Variants in CDH7 observed in about 807,000 individuals in gnomAD.
CDH7 encodes the protein cadherin 7, also known as cadherin-7.
CDH7 carries 25 observed loss-of-function variants against 71.8 expected under a neutral mutation model. The ratio of observed to expected loss-of-function variants is 0.35; its 90% CI spans 0.25 to 0.49. CDH7 has a LOEUF of 0.49. Among genes scored for constraint, CDH7 ranks in the 20% least tolerant of loss-of-function variants. The probability of loss-of-function intolerance (pLI) is 0.99; values close to 1 mark genes in which losing one functional copy is unlikely to be tolerated. For missense variants in CDH7, 862 were observed against 974.6 expected (o/e 0.88, Z 1.54); for synonymous variants, 381 against 363.8 (o/e 1.05, Z -0.54).
intron 11 of CDH7, among the ~76,000 whole-genome samples, chr18:65,879,958 G>A (rs1199363731): frequency 6.6e-6 from 1 of 152,124 alleles, no homozygotes; most frequent in Non-Finnish European, 1.5e-5. Context: ...GAACCTGACC[G>A]AGTGCTATAA....
At chr18:65,845,667 T>C (rs894029605) in intron 7 of CDH7, among the ~76,000 whole-genome samples, 1 of 152,122 alleles carries the variant, frequency 6.6e-6, no homozygotes, top group Non-Finnish European at 1.5e-5. Flanking sequence ...GCTTGAATCA[T>C]TTAATTTAAT....
intron 4 of CDH7, among the ~76,000 whole-genome samples, chr18:65,818,659 A>G (rs1911807857): frequency 6.6e-6 from 1 of 152,226 alleles, no homozygotes; most frequent in Admixed American, 6.5e-5. Flanking sequence ...ACAGAAACTG[A>G]TTACATAAAT....
At chr18:65,816,346 G>A (rs1911724835) in intron 4 of CDH7, among the ~76,000 whole-genome samples, 1 of 152,010 alleles carries the variant, frequency 6.6e-6, no homozygotes, top group African/African-American at 2.4e-5. Context: ...ATGTTTTTCT[G>A]ACTGAAATGG....
chr18:65,825,421 T>C (rs902147333), intron 6 of CDH7, among the ~76,000 whole-genome samples: 4 of 151,840 alleles, frequency 2.6e-5, no homozygotes, highest in Non-Finnish European at 5.9e-5. Context: ...CTAAAGATTA[T>C]TTTCCATAAT....
chr18:65,754,317 G>A (rs1915971590), intron 1 of CDH7, among the ~76,000 whole-genome samples: 1 of 152,064 alleles, frequency 6.6e-6, no homozygotes, highest in African/African-American at 2.4e-5. Flanking sequence ...CATTTCCAGG[G>A]CCCCTGCCTG....
At chr18:65,766,788 A>G (rs1916382565) in intron 2 of CDH7, among the ~76,000 whole-genome samples, 1 of 148,550 alleles carries the variant, frequency 6.7e-6, no homozygotes, top group East Asian at 2.0e-4. Context: ...AGGAGGTCCC[A>G]GTTTCCACCC....
At chr18:65,860,667 T>C (rs899354425) in intron 10 of CDH7, among the ~76,000 whole-genome samples, 2 of 152,124 alleles carry the variant, frequency 1.3e-5, no homozygotes, top group South Asian at 2.1e-4. Context: ...TTTAAAAATT[T>C]ATGTTGTTTA....
Position 65,850,150 on chromosome 18 carries a change from T to G in CDH7, c.1235+6085T>G, listed in dbSNP as rs181651875. Among the ~76,000 whole-genome samples the G allele has an allele frequency of 4.3e-3, 576 of 132,578 alleles. 2 individuals carry two copies. The highest frequency in any genetic ancestry group is 4.9e-3 in the Non-Finnish European group (313 of 63,366). The allele number at this position is 132,578 out of a possible 152,430, so 87.0% of individuals were successfully genotyped here. A position where few individuals can be genotyped will look rare whatever the true frequency, so the allele number is the denominator to read the frequency against. On this transcript the variant is annotated intron_variant, in intron 7 of 11. Transcript: ENST00000397968. ...CTGCACTCCAGCCTCAGTGACAGAG[T>G]GAGACCCTGCCACACTATATATAAT... is the stretch of plus-strand genomic sequence containing the variant.
chr18:65,887,452 T>G lies in CDH7; in HGVS notation c.*6558T>G, dbSNP rs978292918. On this transcript the variant is annotated 3_prime_UTR_variant, in exon 12 of 12. Coordinates refer to ENST00000397968, the MANE Select transcript of CDH7 (RefSeq NM_004361.5). ...CCACAACAGTCCCTAGAGTGTGGTG[T>G]TCCCCTTCCTGTGTAACTATATAGC... The G allele has an allele frequency of 2.1e-4, 30 of 140,462 alleles. No individual in the cohort carries two copies. The highest frequency in any genetic ancestry group is 3.6e-3 in the Middle Eastern group (1 of 280). 8.7% of individuals were successfully genotyped at this position (140,462 alleles called of 1,614,324 possible).
At chr18:65,823,093 G>C (rs1259280183) in intron 5 of CDH7, among the ~76,000 whole-genome samples, 2 of 151,782 alleles carry the variant, frequency 1.3e-5, no homozygotes, top group African/African-American at 4.8e-5. Context: ...ATTTAGAAGT[G>C]AATCATATCA....
chr18:65,752,099 T>C (rs190787233), intron 1 of CDH7, among the ~76,000 whole-genome samples: 7 of 152,372 alleles, frequency 4.6e-5, no homozygotes, highest in African/African-American at 1.7e-4. Context: ...TTGCAATAAA[T>C]ATCTTGTCTC....
chr18:65,803,001 C>G (rs1216009845), intron 2 of CDH7: 1 of 152,146 alleles, frequency 6.6e-6, no homozygotes, highest in Non-Finnish European at 1.5e-5. Context: ...TATTACACCA[C>G]TATATGGAAA....
At chr18:65,880,237 T>C (rs961195702) in intron 11 of CDH7, among the ~76,000 whole-genome samples, 164 bp from the exon 12 acceptor site, 1 of 152,120 alleles carries the variant, frequency 6.6e-6, no homozygotes, top group East Asian at 1.9e-4. Context: ...CTTTAGCAAT[T>C]TTAGCACATC....
At chr18:65,825,215 A>G (rs962802817) in intron 6 of CDH7, among the ~76,000 whole-genome samples, 1 of 151,968 alleles carries the variant, frequency 6.6e-6, no homozygotes, top group Non-Finnish European at 1.5e-5. Flanking sequence ...TATTTTCTCC[A>G]TAAATGAAAA....
chr18:65,839,593 A>G lies in CDH7; in HGVS notation c.982-4219A>G, dbSNP rs150016207. On this transcript the variant is annotated intron_variant, in intron 6 of 11. Coordinates refer to ENST00000397968, the MANE Select transcript of CDH7 (RefSeq NM_004361.5). The stretch of plus-strand genomic sequence containing the variant: ...ACTAATCTTACATTTTTTAAAATGC[A>G]TGTTAAAGATATGTGTGTACAACTC... Among the ~76,000 whole-genome samples, 359 of 152,334 alleles carry G rather than the reference A, an allele frequency of 2.4e-3. 2 individuals carry two copies. The highest frequency in any genetic ancestry group is 8.1e-3 in the African/African-American group (335 of 41,586).
intron 2 of CDH7, among the ~76,000 whole-genome samples, chr18:65,797,847 G>T (rs1357193334): frequency 6.6e-6 from 1 of 152,128 alleles, no homozygotes; most frequent in Admixed American, 6.5e-5. Flanking sequence ...ATAGTACAAT[G>T]GAAGAACATT....
At position 65,818,883 on chromosome 18, in the gene CDH7, C is replaced by G. The variant is rs548577373; in HGVS notation, c.626-3198C>G. 3.3e-5 allele frequency among the ~76,000 whole-genome samples: 5 copies of G among 152,292 alleles called. No individual in the cohort carries two copies. The South Asian group carries it at 1.0e-3, about 32-fold the overall frequency. On this transcript the variant is annotated intron_variant, in intron 4 of 11. Transcript: ENST00000397968. ...CTCCTGTCCATGTTTCAACAGTGCTCTCTTCATTGGCTGCTCCATTTTGGT... is the reference window on the plus strand; with the variant it reads ...CTCCTGTCCATGTTTCAACAGTGCTGTCTTCATTGGCTGCTCCATTTTGGT...
chr18:65,761,074 T>C (rs7229452), intron 1 of CDH7, among the ~76,000 whole-genome samples: 57,175 of 151,948 alleles, frequency 0.38, 11,451 homozygotes, highest in African/African-American at 0.51. Context: ...TTGGATAGGG[T>C]ATCTGGATTT....
chr18:65,872,598 T>C (rs1913960210), intron 11 of CDH7, among the ~76,000 whole-genome samples: 1 of 152,038 alleles, frequency 6.6e-6, no homozygotes, highest in African/African-American at 2.4e-5. Flanking sequence ...CTCAGTTCAA[T>C]ATTAAAAGGA....
Sources: gnomAD v4.1 joint callset for allele counts (sites outside exome capture counted in the v4.1 genomes callset) on GRCh38, gnomAD v4.1.1 for gene constraint, MANE v1.5 for transcripts, NCBI Gene and HGNC (gene_info 2026-07-23, HGNC 2026-07-21) for gene names.